Variants in ADHFE1 observed in about 807,000 individuals in gnomAD.
ADHFE1 encodes hydroxyacid-oxoacid transhydrogenase, mitochondrial.
In ADHFE1, 37 loss-of-function variants were observed where a neutral mutation model predicts 54.8. The ratio of observed to expected loss-of-function variants is 0.68; its 90% CI spans 0.52 to 0.89. The LOEUF (loss-of-function observed/expected upper bound fraction) is 0.89. Ranked by LOEUF, ADHFE1 falls within the 40% of genes least tolerant of loss-of-function variation. ADHFE1 has a pLI of 0.00. For synonymous variants in ADHFE1, 203 were observed against 229.3 expected, an observed-to-expected ratio of 0.89 and a Z score of 1.04; for missense variants, 601 against 591.2, an observed-to-expected ratio of 1.02 and a Z score of -0.17.
intron 6 of ADHFE1, among the ~76,000 whole-genome samples, chr8:66,445,684 C>G (rs1418875180): frequency 6.6e-6 from 1 of 152,248 alleles, no homozygotes; most frequent in East Asian, 1.9e-4. Context: ...TCATCACTGA[C>G]ATATGATGAG....
At position 66,440,252 on chromosome 8, in the gene ADHFE1, A is replaced by C; in HGVS notation, c.97+53A>C. The C allele has an allele frequency of 3.3e-6, 5 of 1,533,720 alleles. No individual in the cohort carries two copies. The Admixed American group carries it at 9.0e-5, about 28-fold the overall frequency. On this transcript the variant is annotated intron_variant, in intron 2 of 13. Coordinates refer to ENST00000396623, the MANE Select transcript of ADHFE1 (RefSeq NM_144650.3). ...CACAATTTTGGTTTCTGCATTTGGCATTATAATACATTTGGGTAGTGTATG... is the reference window on the plus strand; with the variant it reads ...CACAATTTTGGTTTCTGCATTTGGCCTTATAATACATTTGGGTAGTGTATG...
chr8:66,451,905 G>C, intron 8 of ADHFE1, 48 bp from the exon 9 acceptor site: 1 of 1,596,522 alleles, frequency 6.3e-7, no homozygotes, highest in East Asian at 2.2e-5. Flanking sequence ...TGGAGGGAAG[G>C]AGGAAGATGA....
intron 2 of ADHFE1, 115 bp downstream of exon 2, chr8:66,440,314 A>G: frequency 1.1e-6 from 1 of 938,618 alleles, no homozygotes; most frequent in Non-Finnish European, 1.7e-6. Flanking sequence ...AAGGTCCATG[A>G]AAACAGTTAC....
At chr8:66,449,073 C>A in intron 8 of ADHFE1, 103 bp downstream of exon 8, 1 of 1,005,588 alleles carries the variant, frequency 9.9e-7, no homozygotes, top group Non-Finnish European at 1.5e-6. Context: ...TAGCACCCCA[C>A]AACATCCCTA....
At chr8:66,434,309 T>G (rs909598743) in intron 1 of ADHFE1, among the ~76,000 whole-genome samples, 7 of 152,178 alleles carry the variant, frequency 4.6e-5, no homozygotes, top group African/African-American at 1.7e-4. Flanking sequence ...TTCTGGTACA[T>G]TCAGATGGAG....
intron 7 of ADHFE1, among the ~76,000 whole-genome samples, chr8:66,447,679 A>G (rs1380701204): frequency 2.0e-5 from 3 of 152,254 alleles, no homozygotes; most frequent in Non-Finnish European, 4.4e-5. Context: ...GAAAAAATCA[A>G]GGAGCCAAGG....
At chr8:66,463,693 G>A (rs1229027134) in intron 13 of ADHFE1, among the ~76,000 whole-genome samples, 3 of 152,126 alleles carry the variant, frequency 2.0e-5, no homozygotes, top group African/African-American at 4.8e-5. Flanking sequence ...ACTAATCTTC[G>A]CTTATTAGTA....
Position 66,444,356 on chromosome 8 carries a change from A to G in ADHFE1, c.145-11A>G, listed in dbSNP as rs142293545. 1.5e-5 allele frequency: 25 copies of G among 1,613,810 alleles called. No homozygotes were observed. The African/African-American group carries it at 2.5e-4, about 16-fold the overall frequency. ...ATACTCCCTACACCTAAACCTTTTTATTTTTTTCAGATGGCTGTTTCAAAT... is the reference window on the plus strand; with the variant it reads ...ATACTCCCTACACCTAAACCTTTTTGTTTTTTTCAGATGGCTGTTTCAAAT... On this transcript the variant is annotated splice_polypyrimidine_tract_variant and intron_variant, in intron 3 of 13. Transcript: ENST00000396623.
intron 13 of ADHFE1, 82 bp from the exon 14 acceptor site, chr8:66,468,187 C>G (rs1465042566): frequency 9.7e-7 from 1 of 1,032,618 alleles, no homozygotes; most frequent in African/African-American, 1.6e-5. Flanking sequence ...ATTCTTATGA[C>G]CAAGTTAATT....
intron 8 of ADHFE1, among the ~76,000 whole-genome samples, chr8:66,449,612 C>T (rs1042909694): frequency 6.6e-6 from 1 of 152,172 alleles, no homozygotes; most frequent in African/African-American, 2.4e-5. Flanking sequence ...TGCCGATGGC[C>T]CCCTAATCAG....
At chr8:66,440,293 C>T in intron 2 of ADHFE1, 94 bp downstream of exon 2, 2 of 1,145,174 alleles carry the variant, frequency 1.7e-6, no homozygotes, top group Non-Finnish European at 2.6e-6. Context: ...AAAACCAAGG[C>T]ATGTGAGAGC....
chr8:66,447,621 G>A (rs1423092211), intron 7 of ADHFE1, among the ~76,000 whole-genome samples: 1 of 152,126 alleles, frequency 6.6e-6, no homozygotes, highest in African/African-American at 2.4e-5. Flanking sequence ...ATACTCACAT[G>A]TACCCTGTAA....
rs1805252154 is a variant in ADHFE1, at chr8:66,432,583, CG to C, written c.59+12del. The stretch of plus-strand genomic sequence containing the variant: ...GCAACTGCAACGCGCAGCGTGAGTG[CG>C]GGGCCGGCGGGCGGGCAGGGGACCG... On this transcript the variant is annotated intron_variant, in intron 1 of 13. Transcript: ENST00000396623. 7.6e-7 allele frequency: 1 copy of C among 1,310,776 alleles called. No homozygotes were observed. Among genetic ancestry groups the C allele is most frequent in the Non-Finnish European group, 9.8e-7 (1 of 1,024,288 alleles). 81.2% of individuals were successfully genotyped at this position (1,310,776 alleles called of 1,614,324 possible).
At position 66,457,069 on chromosome 8, in the gene ADHFE1, G is replaced by A. The variant is rs763144828; in HGVS notation, c.1066-1G>A. The A allele has an allele frequency of 9.9e-6, 16 of 1,612,516 alleles. No individual in the cohort carries two copies. The East Asian group carries it at 3.6e-4, about 36-fold the overall frequency. ...GGTCACCGCATTTCGTTTCTCCCCAGCCCCATGGCCTTTCTGTGGTGCTCA... is the reference window on the plus strand; with the variant it reads ...GGTCACCGCATTTCGTTTCTCCCCAACCCCATGGCCTTTCTGTGGTGCTCA... On this transcript the variant is annotated splice_acceptor_variant, in intron 11 of 13. Coordinates refer to ENST00000396623, the MANE Select transcript of ADHFE1 (RefSeq NM_144650.3). LOFTEE classifies it high-confidence loss of function.
At chr8:66,445,528 A>G (rs2130389691) in intron 6 of ADHFE1, 114 bp downstream of exon 6, 1 of 1,012,994 alleles carries the variant, frequency 9.9e-7, no homozygotes, top group Non-Finnish European at 1.4e-6. Context: ...TGGTTTGTTC[A>G]TTTCAAATCA....
chr8:66,433,779 C>T (rs1805323945), intron 1 of ADHFE1, among the ~76,000 whole-genome samples: 1 of 152,228 alleles, frequency 6.6e-6, no homozygotes. Context: ...AAGCTCCTTA[C>T]TGCTGTATTG....
At chr8:66,453,690 A>G (rs778846890) in intron 9 of ADHFE1, 3 of 1,368,560 alleles carry the variant, frequency 2.2e-6, no homozygotes, top group Non-Finnish European at 2.9e-6. Context: ...GCATCTGAGA[A>G]TGTTTACATC....
At position 66,440,175 on chromosome 8, in the gene ADHFE1, A is replaced by G; in HGVS notation, c.73A>G (p.Thr25Ala). Reference protein sequence around the residue: ...QLQRAACQCPTHSHTYSQAPG... With the variant: ...QLQRAACQCPAHSHTYSQAPG... ...TATTTTCCCTAGGTGCCAGTGCCCA[A>G]CTCATTCTCATACTTACTCCCAAGG... Residue 25 changes from threonine (T) to alanine (A), a missense_variant, in exon 2 of 14, where the codon ACT becomes GCT. Transcript: ENST00000396623. 6.2e-7 allele frequency: 1 copy of G among 1,612,588 alleles called. No homozygotes were observed. The highest frequency in any genetic ancestry group is 8.5e-7 in the Non-Finnish European group (1 of 1,179,710).
intron 1 of ADHFE1, among the ~76,000 whole-genome samples, chr8:66,435,093 C>T (rs1805396422): frequency 6.6e-6 from 1 of 152,068 alleles, no homozygotes; most frequent in Non-Finnish European, 1.5e-5. Flanking sequence ...GGATAGATGA[C>T]AAACTAGTTA....
Sources: allele counts gnomAD v4.1 joint callset (sites outside exome capture counted in the v4.1 genomes callset), GRCh38; gene constraint gnomAD v4.1.1; transcripts MANE v1.5; gene names NCBI Gene and HGNC (gene_info 2026-07-23, HGNC 2026-07-21).